The following BAALC variants were observed in gnomAD, a reference collection of about 807,000 sequenced individuals.
BAALC encodes the protein BAALC binder of MAP3K1 and KLF4, also known as brain and acute leukemia cytoplasmic protein.
Under a neutral mutation model 15.5 loss-of-function variants are expected in BAALC, and 9 were observed. That is an observed-to-expected ratio of 0.58 (90% CI 0.35 to 1.02). The LOEUF is 1.02. Among genes scored for constraint, BAALC ranks in the 50% least tolerant of loss-of-function variants. The pLI is 0.02. For missense variants in BAALC, 201 were observed against 192.4 expected (o/e 1.04, Z -0.27); for synonymous variants, 80 against 74.6 (o/e 1.07, Z -0.37).
chr8:103,204,021 C>A (rs77164515), intron 1 of BAALC, among the ~76,000 whole-genome samples: 7,576 of 152,198 alleles, frequency 0.05, 212 homozygotes, highest in South Asian at 0.1. Context: ...GCAGCTGTAC[C>A]ATTTAGTCTT....
intron 1 of BAALC, among the ~76,000 whole-genome samples, chr8:103,158,291 T>C (rs1448514363): frequency 1.3e-5 from 2 of 152,152 alleles, no homozygotes; most frequent in African/African-American, 2.4e-5. Context: ...AGGAAAGCTA[T>C]TGCGCAACAT....
intron 1 of BAALC, among the ~76,000 whole-genome samples, chr8:103,181,714 A>G (rs545555504): frequency 8.5e-5 from 13 of 152,204 alleles, no homozygotes; most frequent in Non-Finnish European, 1.9e-4. Flanking sequence ...CCATAACAAA[A>G]TAAATGAGAA....
intron 1 of BAALC, among the ~76,000 whole-genome samples, chr8:103,201,454 T>G (rs1032030696): frequency 2.6e-5 from 4 of 152,202 alleles, no homozygotes; most frequent in African/African-American, 9.6e-5. Context: ...GAAGGTGAGA[T>G]CTACACTGTG....
intron 1 of BAALC, among the ~76,000 whole-genome samples, chr8:103,182,339 C>T (rs1811746823): frequency 6.6e-6 from 1 of 152,214 alleles, no homozygotes; most frequent in Admixed American, 6.5e-5. Flanking sequence ...TTCAGCTGCT[C>T]TTTTGCCCAA....
At chr8:103,205,665 C>A (rs183685842) in intron 1 of BAALC, among the ~76,000 whole-genome samples, 1 of 152,096 alleles carries the variant, frequency 6.6e-6, no homozygotes, top group African/African-American at 2.4e-5. Context: ...TATTCCTGGG[C>A]CCCTACTGAA....
intron 1 of BAALC, chr8:103,198,232 C>A: frequency 1.6e-6 from 1 of 638,022 alleles, no homozygotes. Flanking sequence ...TGTTTCTGTT[C>A]TTATGTATCA....
intron 2 of BAALC, among the ~76,000 whole-genome samples, chr8:103,223,339 G>T (rs184757609): frequency 6.6e-6 from 1 of 152,152 alleles, no homozygotes; most frequent in African/African-American, 2.4e-5. Context: ...AAACTTATCG[G>T]CCCTGGATAA....
chr8:103,215,064 C>T (rs1466843144), intron 2 of BAALC: 1 of 152,266 alleles, frequency 6.6e-6, no homozygotes, highest in African/African-American at 2.4e-5. Flanking sequence ...TGCCCTTACC[C>T]TCTGAGCCAG....
intron 1 of BAALC, among the ~76,000 whole-genome samples, chr8:103,176,634 G>A (rs145875933): frequency 6.6e-6 from 1 of 152,108 alleles, no homozygotes; most frequent in African/African-American, 2.4e-5. Context: ...CAGGGGAATT[G>A]TCTCTGTGAC....
intron 2 of BAALC, among the ~76,000 whole-genome samples, chr8:103,224,518 A>G (rs10100382): frequency 0.17 from 25,211 of 152,130 alleles, 2,363 homozygotes; most frequent in Middle Eastern, 0.29. Flanking sequence ...TAGGATCAAT[A>G]GAAAATAAAT....
In BAALC at chr8:103,209,752, T is replaced by C. The variant is rs368619229; in HGVS notation, c.161-3167T>C. On this transcript the variant is annotated intron_variant, in intron 1 of 2. Transcript: ENST00000309982. ...ATGAGTTTAAAAGCACTCAACTTAGTTTGCACCCTGCTCAATCAGTAAGTT... is the reference window on the plus strand; with the variant it reads ...ATGAGTTTAAAAGCACTCAACTTAGCTTGCACCCTGCTCAATCAGTAAGTT... Among the ~76,000 whole-genome samples, 15 of 152,348 alleles carry C rather than the reference T, an allele frequency of 9.8e-5. No homozygotes were observed. The East Asian group carries it at 2.9e-3, about 29-fold the overall frequency.
chr8:103,199,355 AATGAT>A (rs549893987), intron 1 of BAALC, among the ~76,000 whole-genome samples: 26 of 152,346 alleles, frequency 1.7e-4, no homozygotes, highest in African/African-American at 4.8e-4. Flanking sequence ...ATGGGTAAGA[AATGAT>A]ATATTATTTA....
At chr8:103,176,665 C>T (rs1811613845) in intron 1 of BAALC, among the ~76,000 whole-genome samples, 1 of 152,118 alleles carries the variant, frequency 6.6e-6, no homozygotes, top group African/African-American at 2.4e-5. Context: ...GAAACCTCTG[C>T]CCTGTGCTGT....
chr8:103,175,905 A>G (rs984367027), intron 1 of BAALC, among the ~76,000 whole-genome samples: 3 of 152,178 alleles, frequency 2.0e-5, no homozygotes, highest in Non-Finnish European at 4.4e-5. Context: ...CAGTCTCATG[A>G]GTTTAGCATC....
intron 1 of BAALC, among the ~76,000 whole-genome samples, chr8:103,173,695 A>G (rs1020652380): frequency 6.6e-6 from 1 of 152,234 alleles, no homozygotes; most frequent in African/African-American, 2.4e-5. Flanking sequence ...ACCATCCAGT[A>G]AAGCCAGAGA....
chr8:103,146,485 G>A (rs972380056), intron 1 of BAALC, among the ~76,000 whole-genome samples: 58 of 152,210 alleles, frequency 3.8e-4, no homozygotes, highest in African/African-American at 1.4e-3. Flanking sequence ...TGACTGTTAG[G>A]TTTGGTAAGG....
intron 1 of BAALC, chr8:103,166,283 C>T (rs1002145261): frequency 3.3e-5 from 5 of 152,706 alleles, no homozygotes; most frequent in African/African-American, 1.2e-4. Context: ...GACCCGCCTG[C>T]TGATTGTTTT....
intron 1 of BAALC, 28 bp downstream of exon 1, chr8:103,141,085 C>T: frequency 7.1e-7 from 1 of 1,411,396 alleles, no homozygotes. Flanking sequence ...TGCAGACCCT[C>T]GCCCGCCCGC....
intron 1 of BAALC, among the ~76,000 whole-genome samples, chr8:103,150,261 G>A (rs2129866212): frequency 6.6e-6 from 1 of 152,260 alleles, no homozygotes; most frequent in Non-Finnish European, 1.5e-5. Context: ...CGTGGGAATT[G>A]TGGGAGATAC....
Sources: gnomAD v4.1 joint callset for allele counts (sites outside exome capture counted in the v4.1 genomes callset) on GRCh38, gnomAD v4.1.1 for gene constraint, MANE v1.5 for transcripts, NCBI Gene and HGNC (gene_info 2026-07-23, HGNC 2026-07-21) for gene names.